Variants in HMGN5 observed in about 807,000 individuals in gnomAD.
HMGN5 encodes high mobility group nucleosome binding domain 5.
A neutral mutation model predicts 9.5 loss-of-function variants in HMGN5; 4 were observed. The observed-to-expected ratio is 0.42, with a 90% confidence interval of 0.21 to 0.96. HMGN5 has a LOEUF of 0.96. Ranked by LOEUF, HMGN5 falls within the 40% of genes least tolerant of loss-of-function variation. The pLI is 0.30. For missense variants in HMGN5, 192 were observed against 187.5 expected, an observed-to-expected ratio of 1.02 and a Z score of -0.14; for synonymous variants, 55 against 57.1, an observed-to-expected ratio of 0.96 and a Z score of 0.16.
intron 1 of HMGN5, among the ~76,000 whole-genome samples, chrX:81,166,757 C>A: frequency 9.0e-6 from 1 of 111,158 alleles, no homozygotes; most frequent in Non-Finnish European, 1.9e-5. Context: ...TATAGAAAAG[C>A]ACTAGTTCCA....
intron 1 of HMGN5, among the ~76,000 whole-genome samples, chrX:81,156,544 T>C (rs1412976858): frequency 8.9e-6 from 1 of 111,860 alleles, no homozygotes; most frequent in African/African-American, 3.3e-5. Context: ...ATTTGAAAAA[T>C]AATCTCTGTA....
At chrX:81,132,742 C>G (rs2075301037) in intron 1 of HMGN5, among the ~76,000 whole-genome samples, 1 of 111,365 alleles carries the variant, frequency 9.0e-6, no homozygotes, top group African/African-American at 3.3e-5. Context: ...TACAAAAACC[C>G]TAAAAGACAA....
chrX:81,153,477 C>G lies in HMGN5; in HGVS notation c.-123-31805G>C, dbSNP rs559822232. Among the ~76,000 whole-genome samples, 813 of 96,895 alleles carry G rather than the reference C, an allele frequency of 8.4e-3. 10 individuals carry two copies. Among genetic ancestry groups the G allele is most frequent in the South Asian group, 0.033 (59 of 1,812 alleles). The allele number at this position is 96,895 out of a possible 115,157, so 84.1% of individuals were successfully genotyped here. A position where few individuals can be genotyped will look rare whatever the true frequency, so the allele number is the denominator to read the frequency against. On this transcript the variant is annotated intron_variant, in intron 1 of 6. Transcript: ENST00000358130. ...GCTGAGGCACAAGAATTGCTTGAAC[C>G]TGGGAGGCAAAGGTTGCAGTGAGCC... is the stretch of plus-strand genomic sequence containing the variant.
intron 1 of HMGN5, among the ~76,000 whole-genome samples, chrX:81,143,821 G>A (rs766605685): frequency 2.0e-4 from 22 of 111,889 alleles, no homozygotes; most frequent in African/African-American, 6.5e-4. Context: ...GGGGAGGAGC[G>A]TCCACCATTG....
intron 1 of HMGN5, among the ~76,000 whole-genome samples, chrX:81,132,277 G>A (rs2075299444): frequency 9.0e-6 from 1 of 111,396 alleles, no homozygotes; most frequent in South Asian, 3.7e-4. Flanking sequence ...CGTTAAAATG[G>A]CCATACTGTC....
At chrX:81,164,172 T>C (rs1313632267) in intron 1 of HMGN5, among the ~76,000 whole-genome samples, 1 of 111,973 alleles carries the variant, frequency 8.9e-6, no homozygotes, top group African/African-American at 3.2e-5. Context: ...AACAGAGCTA[T>C]TTTTAAAGTG....
At chrX:81,142,346 A>G (rs1489698084) in intron 1 of HMGN5, among the ~76,000 whole-genome samples, 1 of 111,900 alleles carries the variant, frequency 8.9e-6, no homozygotes, top group Non-Finnish European at 1.9e-5. Context: ...AAAGGTATTA[A>G]TATCTAAGCA....
intron 1 of HMGN5, among the ~76,000 whole-genome samples, chrX:81,185,496 A>C (rs1275812674): frequency 8.9e-6 from 1 of 112,019 alleles, no homozygotes; most frequent in African/African-American, 3.2e-5. Context: ...TTTGTATATT[A>C]GTTCTAATAG....
Position 81,114,987 on chromosome X carries a change from T to C in HMGN5, c.511A>G (p.Lys171Glu), listed in dbSNP as rs142186197. The C allele has an allele frequency of 4.3e-6, 5 of 1,152,310 alleles. No individual in the cohort carries two copies. In the African/African-American group the frequency reaches 7.4e-5, roughly 17 times the overall value. The allele number at this position is 1,152,310 out of a possible 1,213,427, so 95.0% of individuals were successfully genotyped here. A position where few individuals can be genotyped will look rare whatever the true frequency, so the allele number is the denominator to read the frequency against. The change falls in exon 7 of 7, where the codon AAA becomes GAA. Residue 171 changes from lysine to glutamate, a missense_variant. By Grantham distance (56) the Lys-to-Glu change is moderately conservative. Transcript: ENST00000358130. Reference sequence around the variant, plus strand: ...CCTTTTTTTCCATCTTCTTTCTCTTTTGCATCTTCTCCTTTCTCATTTCCA... The same window carrying C: ...CCTTTTTTTCCATCTTCTTTCTCTTCTGCATCTTCTCCTTTCTCATTTCCA... ...KNGNEKGEDA[K>E]EKEDGKKGED...
chrX:81,151,328 C>T (rs2075361634), intron 1 of HMGN5, among the ~76,000 whole-genome samples: 2 of 111,575 alleles, frequency 1.8e-5, no homozygotes, highest in African/African-American at 6.5e-5. Flanking sequence ...TGTACCAGTA[C>T]CATGCTGTTT....
At chrX:81,137,813 A>G (rs2147551348) in intron 1 of HMGN5, among the ~76,000 whole-genome samples, 1 of 111,804 alleles carries the variant, frequency 8.9e-6, no homozygotes, top group Non-Finnish European at 1.9e-5. Flanking sequence ...CAAGGCTGAC[A>G]AAAACAAAAA....
chrX:81,158,270 A>G (rs186763668), intron 1 of HMGN5, among the ~76,000 whole-genome samples: 9 of 112,155 alleles, frequency 8.0e-5, no homozygotes, highest in African/African-American at 2.9e-4. Flanking sequence ...TGGTTGAACT[A>G]ATTCACATTC....
chrX:81,172,246 T>C (rs959938078), intron 1 of HMGN5, among the ~76,000 whole-genome samples: 1 of 110,956 alleles, frequency 9.0e-6, no homozygotes, highest in African/African-American at 3.3e-5. Flanking sequence ...GTGTGGACAT[T>C]GTTTGCATGC....
At chrX:81,134,558 C>T (rs2075306496) in intron 1 of HMGN5, among the ~76,000 whole-genome samples, 2 of 111,124 alleles carry the variant, frequency 1.8e-5, no homozygotes, top group Admixed American at 9.6e-5. Context: ...AAATCCCTTG[C>T]CCATTGGTAG....
chrX:81,190,994 A>G (rs534214396), intron 1 of HMGN5, among the ~76,000 whole-genome samples: 3 of 111,374 alleles, frequency 2.7e-5, no homozygotes, highest in Admixed American at 1.9e-4. Context: ...GAAATTGGGT[A>G]GTGTCAGTCC....
At chrX:81,153,584 T>TC (rs1491397190) in intron 1 of HMGN5, among the ~76,000 whole-genome samples, 1 of 2,307 alleles carries the variant, frequency 4.3e-4, no homozygotes, top group Non-Finnish European at 6.9e-4. Flanking sequence ...TCTCTCTCTC[T>TC]ATATATATAT....
chrX:81,169,985 C>T (rs1352353039), intron 1 of HMGN5, among the ~76,000 whole-genome samples: 4 of 99,585 alleles, frequency 4.0e-5, no homozygotes, highest in Non-Finnish European at 6.0e-5. Context: ...ACCCAGGAGG[C>T]GGAGGTTGCA....
intron 1 of HMGN5, among the ~76,000 whole-genome samples, chrX:81,121,924 AC>A (rs1226373945): frequency 2.5e-4 from 28 of 112,706 alleles, no homozygotes; most frequent in African/African-American, 8.1e-4. Flanking sequence ...AGGAATAAGA[AC>A]AGCAGGAAAG....
chrX:81,132,739 A>G (rs2075301025), intron 1 of HMGN5, among the ~76,000 whole-genome samples: 1 of 111,628 alleles, frequency 9.0e-6, no homozygotes. Context: ...GACTACAAAA[A>G]CCCTAAAAGA....
Sources: allele counts gnomAD v4.1 joint callset (sites outside exome capture counted in the v4.1 genomes callset), GRCh38; gene constraint gnomAD v4.1.1; transcripts MANE v1.5; gene names NCBI Gene and HGNC (gene_info 2026-07-23, HGNC 2026-07-21).